Variants in SCN2A observed in about 807,000 individuals in gnomAD.
SCN2A encodes sodium voltage-gated channel alpha subunit 2.
SCN2A carries 20 observed loss-of-function variants against 188.7 expected under a neutral mutation model. The observed-to-expected ratio is 0.11, with a 90% CI of 0.07 to 0.15. SCN2A has a LOEUF of 0.15. Among genes scored for constraint, SCN2A ranks in the 10% least tolerant of loss-of-function variants. SCN2A has a pLI of 1.00. For synonymous variants in SCN2A, 804 were observed against 833.1 expected (o/e 0.97, Z 0.60); for missense variants, 1,278 against 2,445.0 (o/e 0.52, Z 10.07).
intron 8 of SCN2A, among the ~76,000 whole-genome samples, chr2:165,313,373 A>G (rs193237200): frequency 1.5e-4 from 23 of 152,224 alleles, no homozygotes; most frequent in African/African-American, 5.1e-4. Flanking sequence ...TTGCTTTTAT[A>G]TGGAGACATA....
intron 17 of SCN2A, among the ~76,000 whole-genome samples, chr2:165,357,882 A>G (rs745958165): frequency 6.6e-6 from 1 of 152,170 alleles, no homozygotes; most frequent in Non-Finnish European, 1.5e-5. Context: ...TTGTACATCT[A>G]TAAATATAAT....
intron 1 of SCN2A, among the ~76,000 whole-genome samples, chr2:165,286,226 G>C (rs1695823034): frequency 6.6e-6 from 1 of 152,102 alleles, no homozygotes. Flanking sequence ...GTTTGAGTTG[G>C]GAGTTTTACT....
chr2:165,253,001 G>A (rs1480257381), intron 1 of SCN2A, among the ~76,000 whole-genome samples: 1 of 152,062 alleles, frequency 6.6e-6, no homozygotes, highest in African/African-American at 2.4e-5. Context: ...TATCATTTAT[G>A]AGGTAAAGAA....
intron 2 of SCN2A, 115 bp downstream of exon 2, chr2:165,296,205 G>A: frequency 2.0e-6 from 2 of 1,010,864 alleles, no homozygotes; most frequent in South Asian, 2.6e-5. Context: ...GTATCACTAA[G>A]ATGCTGGATG....
At chr2:165,306,843 G>C (rs926235015) in intron 3 of SCN2A, among the ~76,000 whole-genome samples, 1 of 151,924 alleles carries the variant, frequency 6.6e-6, no homozygotes, top group African/African-American at 2.4e-5. Flanking sequence ...GATATGAAGA[G>C]CACGTATTTC....
chr2:165,349,161 T>G (rs753676436), intron 16 of SCN2A, among the ~76,000 whole-genome samples: 29 of 152,218 alleles, frequency 1.9e-4, no homozygotes, highest in Non-Finnish European at 3.8e-4. Context: ...TTTCTCTGTA[T>G]GTATATTTGG....
chr2:165,298,498 T>C (rs887283971), intron 3 of SCN2A, among the ~76,000 whole-genome samples: 1 of 152,214 alleles, frequency 6.6e-6, no homozygotes, highest in Non-Finnish European at 1.5e-5. Context: ...GATATCAACA[T>C]CTTTTATTTG....
chr2:165,388,091 GA>G (rs1701965800), intron 26 of SCN2A, among the ~76,000 whole-genome samples: 1 of 152,118 alleles, frequency 6.6e-6, no homozygotes, highest in African/African-American at 2.4e-5. Context: ...TTGACCACAA[GA>G]AAAAGTTGAT....
intron 1 of SCN2A, among the ~76,000 whole-genome samples, chr2:165,261,510 A>G (rs1246645277): frequency 6.6e-6 from 1 of 152,234 alleles, no homozygotes; most frequent in Non-Finnish European, 1.5e-5. Flanking sequence ...GTGTGCTGTT[A>G]AATGTTTTAA....
At chr2:165,383,357 G>A (rs1701702474) in intron 25 of SCN2A, among the ~76,000 whole-genome samples, 1 of 152,146 alleles carries the variant, frequency 6.6e-6, no homozygotes, top group African/African-American at 2.4e-5. Context: ...GAAGAGCCCT[G>A]TAGAAGGGGA....
chr2:165,335,476 A>T (rs1698939922), intron 14 of SCN2A, among the ~76,000 whole-genome samples: 1 of 151,760 alleles, frequency 6.6e-6, no homozygotes, highest in African/African-American at 2.4e-5. Flanking sequence ...TTAATTTTCA[A>T]CAAGACCACT....
At chr2:165,373,157 G>C in intron 20 of SCN2A, 68 bp from the exon 21 acceptor site, 1 of 1,543,640 alleles carries the variant, frequency 6.5e-7, no homozygotes, top group Non-Finnish European at 9.0e-7. Flanking sequence ...TCATTGCATA[G>C]AGCAAGGCTG....
intron 1 of SCN2A, among the ~76,000 whole-genome samples, chr2:165,279,737 G>A (rs570609457): frequency 5.3e-5 from 8 of 152,264 alleles, no homozygotes; most frequent in Admixed American, 3.9e-4. Flanking sequence ...ACTTGATAGA[G>A]ATTAGTGGAA....
At chr2:165,338,561 G>T (rs1699140099) in intron 14 of SCN2A, among the ~76,000 whole-genome samples, 1 of 151,950 alleles carries the variant, frequency 6.6e-6, no homozygotes, top group African/African-American at 2.4e-5. Context: ...CGCCGGGCCA[G>T]AACATTTTAT....
chr2:165,373,421 C>T (rs1050046406), intron 21 of SCN2A, 74 bp downstream of exon 21: 61 of 1,526,268 alleles, frequency 4.0e-5, no homozygotes, highest in Admixed American at 3.2e-4. Flanking sequence ...ATGGAAATGT[C>T]AAATTTATGG....
In SCN2A at chr2:165,389,035, A is replaced by G. The variant is rs2227898; in HGVS notation, c.5229A>G (p.Lys1743=). ...AAGATCACCCTGGAAGCTCAGTTAA[A>G]GGAGACTGTGGGAACCCATCTGTTG... ...PDKDHPGSSV[K]GDCGNPSVGI... Residue 1743 remains lysine (K), a synonymous_variant, in exon 27 of 27, where the codon AAA becomes AAG. Transcript: ENST00000375437. The surrounding 1 kb of genome is among the most constrained non-coding windows in gnomAD (Gnocchi z 4.2). 408 of 1,614,112 alleles carry G rather than the reference A, an allele frequency of 2.5e-4. 1 individual carries two copies. The African/African-American group carries it at 4.4e-3, about 17-fold the overall frequency.
chr2:165,341,725 G>T (rs1699332264), intron 14 of SCN2A, among the ~76,000 whole-genome samples: 1 of 152,198 alleles, frequency 6.6e-6, no homozygotes, highest in Non-Finnish European at 1.5e-5. Flanking sequence ...AGCAAAAATG[G>T]CTGAGGTTAT....
chr2:165,349,567 T>C (rs1041102772), intron 16 of SCN2A, among the ~76,000 whole-genome samples: 3 of 152,202 alleles, frequency 2.0e-5, no homozygotes, highest in African/African-American at 7.2e-5. Context: ...TACTTATGGT[T>C]GACATCAGTA....
At chr2:165,371,995 A>T (rs1701057695) in intron 20 of SCN2A, 1 of 152,154 alleles carries the variant, frequency 6.6e-6, no homozygotes. Context: ...AGTAAATACT[A>T]CCCCATTCAA....
Sources: gnomAD v4.1 joint callset for allele counts (sites outside exome capture counted in the v4.1 genomes callset) on GRCh38, gnomAD v4.1.1 for gene constraint, Gnocchi (gnomAD v3.1) non-coding constraint, MANE v1.5 for transcripts, NCBI Gene and HGNC (gene_info 2026-07-23, HGNC 2026-07-21) for gene names.